The following GRAMD1A variants were observed in gnomAD, a reference collection of about 807,000 sequenced individuals.
The protein encoded by GRAMD1A is protein Aster-A.
Under a neutral mutation model 92.0 loss-of-function variants are expected in GRAMD1A, and 50 were observed. The observed-to-expected ratio is 0.54, with a 90% CI of 0.43 to 0.69. GRAMD1A has a LOEUF of 0.69. Among genes scored for constraint, GRAMD1A ranks in the 30% least tolerant of loss-of-function variants. The probability of loss-of-function intolerance (pLI) is 0.00; values close to 1 mark genes in which losing one functional copy is unlikely to be tolerated. For missense variants in GRAMD1A, 819 were observed against 978.9 expected, an observed-to-expected ratio of 0.84 and a Z score of 2.18; for synonymous variants, 405 against 403.6, an observed-to-expected ratio of 1.00 and a Z score of -0.04.
chr19:35,022,068 C>T (rs966690468), intron 16 of GRAMD1A, 30 bp downstream of exon 16: 10 of 1,523,576 alleles, frequency 6.6e-6, no homozygotes, highest in Non-Finnish European at 8.2e-6. Flanking sequence ...AGTGGCCACA[C>T]AGGCCTGAAC....
chr19:35,014,061 C>G, intron 9 of GRAMD1A, 128 bp from the exon 10 acceptor site: 3 of 863,798 alleles, frequency 3.5e-6, no homozygotes, highest in Non-Finnish European at 5.6e-6. Flanking sequence ...GCAGCTCAGC[C>G]GTGAGCCCTC....
intron 3 of GRAMD1A, chr19:35,009,647 A>G: frequency 1.5e-6 from 1 of 655,352 alleles, no homozygotes; most frequent in Non-Finnish European, 2.7e-6. Context: ...CTTGAGAAAC[A>G]GCCCCACCTT....
rs192976620 is a variant in GRAMD1A, at chr19:35,026,045, G to A, written c.2083-4G>A. 1,903 of 1,547,560 alleles carry A rather than the reference G, an allele frequency of 1.2e-3. 19 individuals are homozygous for A. The African/African-American group carries it at 0.019, about 15-fold the overall frequency. On this transcript the variant is annotated splice_region_variant and splice_polypyrimidine_tract_variant and intron_variant, in intron 19 of 19. Coordinates refer to ENST00000317991, the MANE Select transcript of GRAMD1A (RefSeq NM_020895.5). ...CCCCGACCCTGCTCACCTCCTCCCC[G>A]CAGATGAAGTTCTCGCTGGAGAAGC...
At chr19:35,020,428 C>T (rs1473982998) in intron 13 of GRAMD1A, among the ~76,000 whole-genome samples, 2 of 151,920 alleles carry the variant, frequency 1.3e-5, no homozygotes, top group Non-Finnish European at 2.9e-5. Flanking sequence ...ATCCCTACTA[C>T]TTGGGAGGCT....
intron 11 of GRAMD1A, among the ~76,000 whole-genome samples, chr19:35,016,455 G>A (rs1239590987): frequency 1.3e-5 from 2 of 151,490 alleles, no homozygotes; most frequent in Non-Finnish European, 2.9e-5. Context: ...AAATCAGCTA[G>A]GTGTGGTGGC....
In GRAMD1A at chr19:35,013,496, G is replaced by A. The variant is rs747610260; in HGVS notation, c.720-45G>A. 6.3e-7 allele frequency: 1 copy of A among 1,577,538 alleles called. No homozygotes were observed. Among genetic ancestry groups the A allele is most frequent in the African/African-American group, 1.3e-5 (1 of 74,370 alleles). On this transcript the variant is annotated intron_variant, in intron 8 of 19. Coordinates refer to ENST00000317991, the MANE Select transcript of GRAMD1A (RefSeq NM_020895.5). The surrounding 1 kb of genome is among the most constrained non-coding windows in gnomAD (Gnocchi z 4.9). ...TCTGGAGGATTCAGGAGGGTGTATG[G>A]GGTCTCAAGGACACAGCAGTCCCGC...
intron 19 of GRAMD1A, chr19:35,025,128 C>T (rs1387731438): frequency 6.6e-6 from 1 of 151,872 alleles, no homozygotes; most frequent in Non-Finnish European, 1.5e-5. Context: ...TGTCAAACTG[C>T]TAAGGGTGCA....
rs142317917 is a variant in GRAMD1A at position 35,021,874 on chromosome 19, G to T, written c.1753+10G>T. The T allele has an allele frequency of 8.1e-6, 13 of 1,604,638 alleles. No homozygotes were observed. Among genetic ancestry groups the T allele is most frequent in the Non-Finnish European group, 9.4e-6 (11 of 1,174,382 alleles). On this transcript the variant is annotated intron_variant, in intron 15 of 19. Transcript: ENST00000317991. The surrounding 1 kb of genome is among the most constrained non-coding windows in gnomAD (Gnocchi z 5.3). The stretch of plus-strand genomic sequence containing the variant: ...GGCATTCACACCTCGGGTACGTTCC[G>T]TTGGGGCCGGGTTGGGGTAGGCGGA...
Position 35,019,235 on chromosome 19 carries a change from C to T in GRAMD1A, c.1258C>T (p.Arg420Cys), listed in dbSNP as rs770233073. The T allele has an allele frequency of 8.4e-5, 136 of 1,613,226 alleles. No individual in the cohort carries two copies. The highest frequency in any genetic ancestry group is 1.0e-4 in the Non-Finnish European group (123 of 1,179,480). Residue 420 changes from arginine to cysteine, a missense_variant, in exon 12 of 20, where the codon CGC (arginine) becomes TGC (cysteine). Arg to Cys is a radical substitution (Grantham distance 180). Transcript: ENST00000317991. ...GAGTGGGGACAGCAAGTGCCACCAG[C>T]GCCGGGTGCTGACGTACACCATCCC... ...PWSGDSKCHQ[R>C]RVLTYTIPIS... is the part of the protein sequence containing the mutation.
At chr19:35,012,889 C>T (rs981565393) in intron 7 of GRAMD1A, 12 of 174,590 alleles carry the variant, frequency 6.9e-5, no homozygotes, top group African/African-American at 2.4e-4. Flanking sequence ...GTAGGAGAAT[C>T]GCTTGAACCC....
chr19:35,018,546 C>G (rs967439115), intron 11 of GRAMD1A, among the ~76,000 whole-genome samples: 12 of 152,168 alleles, frequency 7.9e-5, no homozygotes, highest in African/African-American at 2.9e-4. Flanking sequence ...CAAACTCAGA[C>G]TCTGTTCTAG....
At chr19:35,016,682 C>T (rs75462217) in intron 11 of GRAMD1A, among the ~76,000 whole-genome samples, 43,915 of 150,072 alleles carry the variant, frequency 0.29, 6,617 homozygotes, top group Middle Eastern at 0.43. Flanking sequence ...AGGTGGATCA[C>T]CTGAGGTCAG....
chr19:35,013,105 G>A lies in GRAMD1A; in HGVS notation c.607-151G>A, dbSNP rs1006525589. 6.9e-5 allele frequency: 40 copies of A among 583,576 alleles called. No individual in the cohort carries two copies. The highest frequency in any genetic ancestry group is 6.5e-4 in the African/African-American group (35 of 53,776). The allele number at this position is 583,576 out of a possible 1,614,324, so 36.1% of individuals were successfully genotyped here. On this transcript the variant is annotated intron_variant, in intron 7 of 19. Transcript: ENST00000317991. The surrounding 1 kb of genome is among the most constrained non-coding windows in gnomAD (Gnocchi z 4.9). ...GAGGGGCTGTAGCAGGGGATTCCCC[G>A]CTTGCTGAGGCCAGGTCTGGTGCGG...
rs568042025 is a variant in GRAMD1A at position 35,013,520 on chromosome 19, G to T, written c.720-21G>T. The T allele has an allele frequency of 6.3e-7, 1 of 1,590,356 alleles. No homozygotes were observed. Among genetic ancestry groups the T allele is most frequent in the Admixed American group, 1.7e-5 (1 of 58,886 alleles). ...GGGGTCTCAAGGACACAGCAGTCCCGCTTCCTCCCCTTTCCCACAGGACCC... is the reference window on the plus strand; with the variant it reads ...GGGGTCTCAAGGACACAGCAGTCCCTCTTCCTCCCCTTTCCCACAGGACCC... On this transcript the variant is annotated intron_variant, in intron 8 of 19. Transcript: ENST00000317991. This position sits in a 1 kb window ranked among gnomAD's most constrained non-coding sequence, Gnocchi z 4.9.
upstream of GRAMD1A, among the ~76,000 whole-genome samples, chr19:34,995,500 T>C (rs908327563): frequency 2.0e-5 from 3 of 150,672 alleles, no homozygotes; most frequent in Admixed American, 2.0e-4. Context: ...GAAACAGGCT[T>C]GGGGTCATAA....
In GRAMD1A at chr19:35,000,436, C is replaced by CTGCCT. The variant is rs2151696052; in HGVS notation, c.-39_-38insTTGCC. On this transcript the variant is annotated 5_prime_UTR_variant, in exon 1 of 20. Transcript: ENST00000317991. This position sits in a 1 kb window ranked among gnomAD's most constrained non-coding sequence, Gnocchi z 4.9. ...CCGCGCAGCCCAGCCCTGCCCTGCC[C>CTGCCT]TGCCCTGCCCTGCGCCCGGGGCGCG... 1 of 1,237,122 alleles carries CTGCCT rather than the reference C, an allele frequency of 8.1e-7. No individual in the cohort carries two copies. The highest frequency in any genetic ancestry group is 1.0e-6 in the Non-Finnish European group (1 of 987,668). The allele number at this position is 1,237,122 out of a possible 1,614,324, so 76.6% of individuals were successfully genotyped here.
upstream of GRAMD1A, among the ~76,000 whole-genome samples, chr19:34,997,833 G>A (rs958573752): frequency 3.3e-5 from 5 of 152,054 alleles, no homozygotes; most frequent in South Asian, 2.1e-4. Context: ...TTGGGAGGCC[G>A]AGGCGGGCAG....
At chr19:35,016,052 C>G in intron 11 of GRAMD1A, 85 bp downstream of exon 11, 7 of 1,439,048 alleles carry the variant, frequency 4.9e-6, no homozygotes, top group South Asian at 1.3e-5. Flanking sequence ...GGGGAAGGCA[C>G]TGCTAGCCAG....
Position 35,013,760 on chromosome 19 carries a change from GAGA to G in GRAMD1A, c.870+74_870+76del. ...GAGAGGAGGGCTGGGGGTGCAGTGG[GAGA>G]AGAACAGCCTGACAGATTTGGAGGG... On this transcript the variant is annotated intron_variant, in intron 9 of 19. Coordinates refer to ENST00000317991, the MANE Select transcript of GRAMD1A (RefSeq NM_020895.5). The surrounding 1 kb of genome is among the most constrained non-coding windows in gnomAD (Gnocchi z 4.9). The G allele has an allele frequency of 6.9e-7, 1 of 1,455,190 alleles. No individual in the cohort carries two copies. Among genetic ancestry groups the G allele is most frequent in the Non-Finnish European group, 9.4e-7 (1 of 1,059,368 alleles). 90.1% of individuals were successfully genotyped at this position (1,455,190 alleles called of 1,614,324 possible). A position where few individuals can be genotyped will look rare whatever the true frequency, so the allele number is the denominator to read the frequency against.
Sources: allele counts gnomAD v4.1 joint callset (sites outside exome capture counted in the v4.1 genomes callset), GRCh38; gene constraint gnomAD v4.1.1; non-coding constraint Gnocchi (gnomAD v3.1); transcripts MANE v1.5; gene names NCBI Gene and HGNC (gene_info 2026-07-23, HGNC 2026-07-21).